Variants in SETBP1 observed in about 807,000 individuals in gnomAD.
SETBP1 encodes SET binding protein 1, also known as SET-binding protein.
A neutral mutation model predicts 101.0 loss-of-function variants in SETBP1; 9 were observed. The ratio of observed to expected loss-of-function variants is 0.09; its 90% CI spans 0.05 to 0.16. The LOEUF (loss-of-function observed/expected upper bound fraction) is 0.16. Among genes scored for constraint, SETBP1 ranks in the 10% least tolerant of loss-of-function variants. The pLI is 1.00. For synonymous variants in SETBP1, 818 were observed against 788.5 expected (o/e 1.04, Z -0.63); for missense variants, 1,858 against 2,033.8 (o/e 0.91, Z 1.66).
At chr18:44,766,840 C>T (rs1385451972) in intron 2 of SETBP1, among the ~76,000 whole-genome samples, 1 of 152,080 alleles carries the variant, frequency 6.6e-6, no homozygotes, top group African/African-American at 2.4e-5. Context: ...TAAATTTTAT[C>T]TTATGTGTAT....
At chr18:44,786,758 C>T (rs1040417660) in intron 2 of SETBP1, among the ~76,000 whole-genome samples, 1 of 152,124 alleles carries the variant, frequency 6.6e-6, no homozygotes, top group Admixed American at 6.5e-5. Flanking sequence ...CTCTCCTCCT[C>T]CAAGAACAAG....
rs984721894 is a variant in SETBP1, at chr18:44,850,033, C to T, written c.487-19197C>T. ...CTATTGCAAATGTTTCTAAATTGTT[C>T]CTGAATCTTCCCCCTTGGCTCTCAC... On this transcript the variant is annotated intron_variant, in intron 2 of 5. Transcript: ENST00000649279. Among the ~76,000 whole-genome samples the T allele has an allele frequency of 3.9e-5, 6 of 152,100 alleles. No homozygotes were observed. In the East Asian group the frequency reaches 5.8e-4, roughly 15 times the overall value.
intron 3 of SETBP1, among the ~76,000 whole-genome samples, chr18:44,885,805 A>C (rs2069628337): frequency 7.0e-6 from 1 of 143,662 alleles, no homozygotes; most frequent in African/African-American, 2.6e-5. Context: ...ACATGCTCCC[A>C]GGCTATGTCC....
rs369805529 is a variant in SETBP1 at position 44,881,776 on chromosome 18, G to C, written c.540+12493G>C. ...GGGGCAGGCTGGACCCAGTGCCCCC[G>C]CCCCTCACTGGAGAATGCCTGGGAT... On this transcript the variant is annotated intron_variant, in intron 3 of 5. Transcript: ENST00000649279. 3.3e-5 allele frequency among the ~76,000 whole-genome samples: 5 copies of C among 152,286 alleles called. No homozygotes were observed. The South Asian group carries it at 1.0e-3, about 32-fold the overall frequency.
rs555898652 is a variant in SETBP1 at position 44,722,453 on chromosome 18, A to C, written c.486+20621A>C. On this transcript the variant is annotated intron_variant, in intron 2 of 5. Transcript: ENST00000649279. ...TATTTAGGGCAGCTTGTTATAAGCTAAGGGAGATGTTAGAGTAGTATTTGC... is the reference window on the plus strand; with the variant it reads ...TATTTAGGGCAGCTTGTTATAAGCTCAGGGAGATGTTAGAGTAGTATTTGC... Among the ~76,000 whole-genome samples the C allele has an allele frequency of 7.9e-5, 12 of 152,252 alleles. No homozygotes were observed. In the South Asian group the frequency reaches 2.5e-3, roughly 32 times the overall value.
At chr18:44,712,958 T>C in intron 2 of SETBP1, among the ~76,000 whole-genome samples, 1 of 144,734 alleles carries the variant, frequency 6.9e-6, no homozygotes, top group Admixed American at 6.9e-5. Context: ...TCCCTCTTTT[T>C]TTTTTTTTTT....
intron 3 of SETBP1, among the ~76,000 whole-genome samples, chr18:44,896,567 A>G (rs1402329580): frequency 2.0e-5 from 3 of 152,072 alleles, no homozygotes; most frequent in African/African-American, 7.2e-5. Context: ...ATCTCGGCTC[A>G]CTACAACCTC....
At chr18:44,805,409 T>A (rs1300976627) in intron 2 of SETBP1, among the ~76,000 whole-genome samples, 1 of 140,172 alleles carries the variant, frequency 7.1e-6, no homozygotes, top group Non-Finnish European at 1.5e-5. Context: ...CATGTAAGTG[T>A]GTGTGTGTGT....
Position 44,815,199 on chromosome 18 carries a change from G to A in SETBP1, c.487-54031G>A, listed in dbSNP as rs541618427. On this transcript the variant is annotated intron_variant, in intron 2 of 5. Transcript: ENST00000649279. ...ATGTTGAGCACTAAGGAGTAATAGA[G>A]GAAAGTATTGTTCCCACCGTTAGGA... Among the ~76,000 whole-genome samples, 3 of 152,314 alleles carry A rather than the reference G, an allele frequency of 2.0e-5. No homozygotes were observed. In the South Asian group the frequency reaches 6.2e-4, roughly 32 times the overall value.
chr18:45,038,208 G>A (rs879393784), intron 4 of SETBP1, among the ~76,000 whole-genome samples: 11 of 152,166 alleles, frequency 7.2e-5, no homozygotes, highest in Admixed American at 2.0e-4. Context: ...AGGCAAAGGG[G>A]CACCTGATGG....
intron 2 of SETBP1, among the ~76,000 whole-genome samples, chr18:44,758,518 G>A (rs1356748588): frequency 6.6e-6 from 1 of 152,154 alleles, no homozygotes; most frequent in African/African-American, 2.4e-5. Context: ...GAGTAGCTGG[G>A]ACTACAGGGG....
At chr18:45,043,305 T>C (rs2073545452) in intron 5 of SETBP1, among the ~76,000 whole-genome samples, 1 of 152,116 alleles carries the variant, frequency 6.6e-6, no homozygotes, top group African/African-American at 2.4e-5. Flanking sequence ...GGTTTTGCAC[T>C]TGAAAGACTA....
At chr18:44,841,261 C>T (rs542211986) in intron 2 of SETBP1, among the ~76,000 whole-genome samples, 7 of 152,150 alleles carry the variant, frequency 4.6e-5, no homozygotes, top group Non-Finnish European at 8.8e-5. Context: ...AAATTCCTCC[C>T]GGTTCTTGGC....
intron 4 of SETBP1, among the ~76,000 whole-genome samples, chr18:44,966,119 G>A (rs535767317): frequency 2.6e-5 from 4 of 152,246 alleles, no homozygotes; most frequent in East Asian, 1.9e-4. Context: ...TTCATGGAAC[G>A]CCTATGAAGG....
chr18:44,914,222 C>G (rs1442376826), intron 3 of SETBP1, among the ~76,000 whole-genome samples: 5 of 152,184 alleles, frequency 3.3e-5, no homozygotes, highest in Non-Finnish European at 7.3e-5. Flanking sequence ...CGTGAGTTAC[C>G]TGGGATGGGA....
At chr18:45,003,881 G>T (rs146822219) in intron 4 of SETBP1, among the ~76,000 whole-genome samples, 1 of 152,106 alleles carries the variant, frequency 6.6e-6, no homozygotes, top group Non-Finnish European at 1.5e-5. Flanking sequence ...TAGTCCTTTC[G>T]TAAGATAGTA....
chr18:45,001,651 G>C (rs530055109), intron 4 of SETBP1, among the ~76,000 whole-genome samples: 1 of 152,284 alleles, frequency 6.6e-6, no homozygotes, highest in Non-Finnish European at 1.5e-5. Flanking sequence ...TGCTGGGCCT[G>C]CTGCTCATTA....
intron 3 of SETBP1, among the ~76,000 whole-genome samples, chr18:44,937,475 AAGAT>A (rs2070989447): frequency 1.3e-5 from 2 of 150,690 alleles, no homozygotes; most frequent in African/African-American, 2.4e-5. Flanking sequence ...AAAAAAAAAA[AAGAT>A]AGGCACTACT....
At chr18:44,876,938 T>C in intron 3 of SETBP1, 2 of 1,356,056 alleles carry the variant, frequency 1.5e-6, no homozygotes, top group East Asian at 2.7e-5. Flanking sequence ...AGCTTCACAA[T>C]GCTGCCCTGA....
Sources: gnomAD v4.1 joint callset for allele counts (sites outside exome capture counted in the v4.1 genomes callset) on GRCh38, gnomAD v4.1.1 for gene constraint, MANE v1.5 for transcripts, NCBI Gene and HGNC (gene_info 2026-07-23, HGNC 2026-07-21) for gene names.